SUSD1: variants seen among roughly 807,000 people sequenced by gnomAD.
The protein encoded by SUSD1 is sushi domain containing 1, also known as sushi domain-containing protein 1.
SUSD1 carries 65 observed loss-of-function variants against 86.9 expected under a neutral mutation model. The observed-to-expected ratio is 0.75, with a 90% CI of 0.61 to 0.92. The LOEUF (loss-of-function observed/expected upper bound fraction) is 0.92, where lower values mean the gene tolerates loss of function less well. Ranked by LOEUF, SUSD1 falls within the 40% of genes least tolerant of loss-of-function variation. The probability of loss-of-function intolerance (pLI) is 0.00; values close to 1 mark genes in which losing one functional copy is unlikely to be tolerated. For synonymous variants in SUSD1, 346 were observed against 350.0 expected (o/e 0.99, Z 0.13); for missense variants, 850 against 929.7 (o/e 0.91, Z 1.11).
At chr9:112,083,276 G>A (rs1045749644) in intron 10 of SUSD1, among the ~76,000 whole-genome samples, 1 of 151,868 alleles carries the variant, frequency 6.6e-6, no homozygotes, top group African/African-American at 2.4e-5. Flanking sequence ...TTCCCAGGCT[G>A]GAGTGCAGTG....
In SUSD1 at chr9:112,064,046, T is replaced by TTGG. The variant is rs1491139474; in HGVS notation, c.1754-1014_1754-1013insCCA. 1.4e-4 allele frequency among the ~76,000 whole-genome samples: 11 copies of TTGG among 78,752 alleles called. No homozygotes were observed. In the South Asian group the frequency reaches 4.0e-3, roughly 29 times the overall value. 51.7% of individuals were successfully genotyped at this position (78,752 alleles called of 152,430 possible). On this transcript the variant is annotated intron_variant, in intron 12 of 16. Coordinates refer to ENST00000374270, the MANE Select transcript of SUSD1 (RefSeq NM_022486.5). ...ATTTTTTTATTTTTCTTTCTTTTTT[T>TTGG]GGGGGGGGGGCGGGTGGGGGCTGCC...
At chr9:112,087,378 C>T (rs1424087590) in intron 10 of SUSD1, among the ~76,000 whole-genome samples, 1 of 152,088 alleles carries the variant, frequency 6.6e-6, no homozygotes, top group East Asian at 1.9e-4. Context: ...GACGGGGTTT[C>T]ACCATGTTGG....
rs1489003358 is a variant in SUSD1 at position 112,173,541 on chromosome 9, G to A, written c.103+1592C>T. The A allele has an allele frequency of 3.6e-5, 11 of 304,664 alleles. No homozygotes were observed. The East Asian group carries it at 8.1e-4, about 22-fold the overall frequency. The allele number at this position is 304,664 out of a possible 1,614,324, so 18.9% of individuals were successfully genotyped here. On this transcript the variant is annotated intron_variant, in intron 1 of 16. Transcript: ENST00000374270. ...AGATCTCTACTCTGAAGGCTTTGTA[G>A]GGGCCTGAGCTCCTTCGGGAGTCTG...
At chr9:112,072,846 C>T (rs1829343884) in intron 12 of SUSD1, among the ~76,000 whole-genome samples, 1 of 152,240 alleles carries the variant, frequency 6.6e-6, no homozygotes, top group Non-Finnish European at 1.5e-5. Context: ...GAAAGGAAAA[C>T]AGCTGGCATG....
intron 5 of SUSD1, among the ~76,000 whole-genome samples, chr9:112,141,194 C>G (rs1020222742): frequency 3.9e-5 from 6 of 152,174 alleles, no homozygotes; most frequent in African/African-American, 1.4e-4. Flanking sequence ...TTTGTTTACA[C>G]CAGCAATGCC....
intron 2 of SUSD1, among the ~76,000 whole-genome samples, chr9:112,154,095 T>C (rs1833185208): frequency 6.6e-6 from 1 of 152,174 alleles, no homozygotes; most frequent in Non-Finnish European, 1.5e-5. Context: ...CCCACTGTTG[T>C]ATATTCGGTC....
At chr9:112,072,737 G>A (rs1272911821) in intron 12 of SUSD1, among the ~76,000 whole-genome samples, 5 of 152,280 alleles carry the variant, frequency 3.3e-5, no homozygotes, top group East Asian at 1.9e-4. Flanking sequence ...AGAGAAATAC[G>A]TGGACTGTGG....
chr9:112,076,679 T>C (rs1564272388), intron 12 of SUSD1, among the ~76,000 whole-genome samples: 2 of 152,126 alleles, frequency 1.3e-5, no homozygotes, highest in Non-Finnish European at 2.9e-5. Context: ...GTAATAGTTA[T>C]AGCCATAAGA....
At chr9:112,173,794 C>T (rs138225969) in intron 1 of SUSD1, 140 of 279,008 alleles carry the variant, frequency 5.0e-4, no homozygotes, top group African/African-American at 2.9e-3. Context: ...TTGGCACTGT[C>T]GCCCTGCATC....
intron 14 of SUSD1, among the ~76,000 whole-genome samples, chr9:112,056,944 A>G (rs1344481741): frequency 4.6e-5 from 7 of 152,176 alleles, no homozygotes; most frequent in Non-Finnish European, 1.0e-4. Context: ...TTAAATGTCT[A>G]TGCCCCTTGC....
At chr9:112,143,184 C>T (rs35781093) in intron 4 of SUSD1, among the ~76,000 whole-genome samples, 1 of 151,388 alleles carries the variant, frequency 6.6e-6, no homozygotes, top group African/African-American at 2.4e-5. Context: ...TAGGGTTTCA[C>T]CGTGTTGGCC....
chr9:112,077,708 T>C (rs1320999141), intron 12 of SUSD1, among the ~76,000 whole-genome samples: 1 of 151,678 alleles, frequency 6.6e-6, no homozygotes, highest in Non-Finnish European at 1.5e-5. Context: ...TTTCACCACG[T>C]CAGCCAGGCT....
At chr9:112,043,680 T>G (rs1827838361) in intron 15 of SUSD1, among the ~76,000 whole-genome samples, 1 of 152,228 alleles carries the variant, frequency 6.6e-6, no homozygotes, top group African/African-American at 2.4e-5. Flanking sequence ...TCTCAAAAAA[T>G]GCTGCCAAGA....
intron 6 of SUSD1, among the ~76,000 whole-genome samples, chr9:112,115,542 C>T (rs1420573333): frequency 6.6e-6 from 1 of 152,126 alleles, no homozygotes; most frequent in Non-Finnish European, 1.5e-5. Flanking sequence ...TGCGGTGGCT[C>T]ACGCCTGTAA....
intron 10 of SUSD1, 68 bp from the exon 11 acceptor site, chr9:112,080,233 C>T (rs1351398190): frequency 8.1e-5 from 93 of 1,147,976 alleles, no homozygotes; most frequent in Non-Finnish European, 1.3e-5. Flanking sequence ...TTAATTGAGC[C>T]ATTTTTCCAA....
chr9:112,052,174 C>T (rs973045735), intron 15 of SUSD1: 5 of 1,472,406 alleles, frequency 3.4e-6, no homozygotes, highest in African/African-American at 1.4e-5. Flanking sequence ...TCCCCAGTCC[C>T]AGTTCCTGGA....
At chr9:112,112,451 G>A (rs192763895) in intron 7 of SUSD1, among the ~76,000 whole-genome samples, 7 of 151,874 alleles carry the variant, frequency 4.6e-5, no homozygotes, top group Non-Finnish European at 1.0e-4. Flanking sequence ...CCTGGCCAAC[G>A]TGGTGAAACC....
chr9:112,081,167 C>G (rs942145835), intron 10 of SUSD1, among the ~76,000 whole-genome samples: 1 of 152,172 alleles, frequency 6.6e-6, no homozygotes. Context: ...AATAATAGAG[C>G]AGACTTGCTA....
At chr9:112,151,841 C>G (rs1402145904) in intron 2 of SUSD1, among the ~76,000 whole-genome samples, 1 of 151,794 alleles carries the variant, frequency 6.6e-6, no homozygotes, top group Non-Finnish European at 1.5e-5. Context: ...AGTTCAAGAC[C>G]AGCCTCAACA....
Sources: gnomAD v4.1 joint callset for allele counts (sites outside exome capture counted in the v4.1 genomes callset) on GRCh38, gnomAD v4.1.1 for gene constraint, MANE v1.5 for transcripts, NCBI Gene and HGNC (gene_info 2026-07-23, HGNC 2026-07-21) for gene names.